Variants in KCNQ1OT1 observed in about 807,000 individuals in gnomAD.
The protein encoded by KCNQ1OT1 is KCNQ1 antisense RNA 2 (non-protein coding).
exon 1 of KCNQ1OT1, chr11:2,632,555 G>T (rs1425060311): frequency 2.5e-6 from 1 of 398,188 alleles, no homozygotes; most frequent in Non-Finnish European, 4.4e-6. Context: ...AATAATTGTA[G>T]ATATTTATGG....
At chr11:2,625,136 T>C in exon 1 of KCNQ1OT1, 1 of 398,642 alleles carries the variant, frequency 2.5e-6, no homozygotes, top group Non-Finnish European at 4.4e-6. Flanking sequence ...CTGTTTTTAA[T>C]TTTTGAAGGA....
At position 2,687,225 on chromosome 11, in the gene KCNQ1OT1, T is replaced by C. The variant is rs1850505986; in HGVS notation, n.12770A>G. ...CATCACACTGTTGGGAAATGTGCAA[T>C]TTTCACTCAGCCAGCATCACTACCA... On this transcript the variant is annotated non_coding_transcript_exon_variant, in exon 1 of 1. Transcript: ENST00000597346. The surrounding 1 kb of genome is among the most constrained non-coding windows in gnomAD (Gnocchi z 5.0). 1.0e-5 allele frequency: 4 copies of C among 398,458 alleles called. No homozygotes were observed. The East Asian group carries it at 1.1e-4, about 11-fold the overall frequency. The allele number at this position is 398,458 out of a possible 1,614,324, so 24.7% of individuals were successfully genotyped here.
exon 1 of KCNQ1OT1, chr11:2,692,505 C>G: frequency 2.5e-6 from 1 of 398,766 alleles, no homozygotes; most frequent in Non-Finnish European, 4.4e-6. Context: ...TTCTTTCCAT[C>G]CCAGGTGCTC....
In KCNQ1OT1 at chr11:2,614,733, A is replaced by G. The variant is rs749377813; in HGVS notation, n.85262T>C. 1.1e-4 allele frequency: 44 copies of G among 398,286 alleles called. No homozygotes were observed. Among genetic ancestry groups the G allele is most frequent in the South Asian group, 6.4e-4 (5 of 7,860 alleles). 24.7% of individuals were successfully genotyped at this position (398,286 alleles called of 1,614,324 possible). A position where few individuals can be genotyped will look rare whatever the true frequency, so the allele number is the denominator to read the frequency against. ...TCTCTATTATATTCCATTGGTCTATATGTCCATCCTTGTGTCCTAGAGACC... is the reference window on the plus strand; with the variant it reads ...TCTCTATTATATTCCATTGGTCTATGTGTCCATCCTTGTGTCCTAGAGACC... On this transcript the variant is annotated non_coding_transcript_exon_variant, in exon 1 of 1. Transcript: ENST00000597346.
rs925225890 is a variant in KCNQ1OT1 at position 2,674,152 on chromosome 11, G to A, written n.25843C>T. ...GGGCCACCCAGTGTGGGCTCAGGAA[G>A]GGAAGGAATGTGACCAAGGCTGGGT... On this transcript the variant is annotated non_coding_transcript_exon_variant, in exon 1 of 1. Coordinates refer to ENST00000597346, the Ensembl canonical transcript of KCNQ1OT1. The surrounding 1 kb of genome is among the most constrained non-coding windows in gnomAD (Gnocchi z 5.9). 1 of 398,612 alleles carries A rather than the reference G, an allele frequency of 2.5e-6. No homozygotes were observed. The highest frequency in any genetic ancestry group is 2.1e-5 in the African/African-American group (1 of 48,632). The allele number at this position is 398,612 out of a possible 1,614,324, so 24.7% of individuals were successfully genotyped here. A position where few individuals can be genotyped will look rare whatever the true frequency, so the allele number is the denominator to read the frequency against.
rs772132157 is a variant in KCNQ1OT1, at chr11:2,664,975, T to C, written n.35020A>G. ...ATAGCCTTGATTACGGGAAGGTCCC[T>C]GGGGCTGGGCGAAGCTCCTCTTTCC... On this transcript the variant is annotated non_coding_transcript_exon_variant, in exon 1 of 1. Transcript: ENST00000597346. The surrounding 1 kb of genome is among the most constrained non-coding windows in gnomAD (Gnocchi z 5.1). 5.0e-6 allele frequency: 2 copies of C among 398,468 alleles called. No homozygotes were observed. The highest frequency in any genetic ancestry group is 8.8e-6 in the Non-Finnish European group (2 of 226,068). 24.7% of individuals were successfully genotyped at this position (398,468 alleles called of 1,614,324 possible). A position where few individuals can be genotyped will look rare whatever the true frequency, so the allele number is the denominator to read the frequency against.
rs961164008 is a variant in KCNQ1OT1, at chr11:2,617,720, G to T, written n.82275C>A. ...CCCTAACCCTAGCCAACACTTAATA[G>T]CTATTCTCATGAGTGTGAGGTGATA... On this transcript the variant is annotated non_coding_transcript_exon_variant, in exon 1 of 1. Transcript: ENST00000597346. The surrounding 1 kb of genome is among the most constrained non-coding windows in gnomAD (Gnocchi z 4.6). 1.0e-5 allele frequency: 4 copies of T among 398,336 alleles called. No individual in the cohort carries two copies. The highest frequency in any genetic ancestry group is 8.2e-5 in the African/African-American group (4 of 48,610). 24.7% of individuals were successfully genotyped at this position (398,336 alleles called of 1,614,324 possible). A position where few individuals can be genotyped will look rare whatever the true frequency, so the allele number is the denominator to read the frequency against.
Position 2,661,902 on chromosome 11 carries a change from C to T in KCNQ1OT1, n.38093G>A, listed in dbSNP as rs1048163418. The T allele has an allele frequency of 7.4e-6, 12 of 1,612,054 alleles. No homozygotes were observed. Among genetic ancestry groups the T allele is most frequent in the African/African-American group, 2.7e-5 (2 of 74,792 alleles). ...CCCTGGGAGCTCACAGGCCTGGCTC[C>T]ACAGCACTGGCAGGTTGGGTGGGAG... On this transcript the variant is annotated non_coding_transcript_exon_variant, in exon 1 of 1. Transcript: ENST00000597346. The surrounding 1 kb of genome is among the most constrained non-coding windows in gnomAD (Gnocchi z 5.9).
exon 1 of KCNQ1OT1, chr11:2,655,672 T>TTGGGGGGGGGGGGGGGGGGCG: frequency 2.6e-6 from 1 of 389,748 alleles, no homozygotes; most frequent in Non-Finnish European, 4.5e-6. Context: ...AAGAGCTGAA[T>TTGGGGGGGGGGGGGGGGGGCG]CCCCACCCAC....
exon 1 of KCNQ1OT1, chr11:2,688,110 G>A (rs1850522925): frequency 2.5e-6 from 1 of 398,928 alleles, no homozygotes. Context: ...AGGGGACCTG[G>A]TGGGGGTGGG....
exon 1 of KCNQ1OT1, chr11:2,681,548 A>G (rs750555466): frequency 2.3e-5 from 9 of 398,278 alleles, no homozygotes; most frequent in Non-Finnish European, 3.5e-5. Flanking sequence ...GAAGGAACTT[A>G]CCCTTTTCTA....
Position 2,659,834 on chromosome 11 carries a change from T to C in KCNQ1OT1, n.40161A>G, listed in dbSNP as rs1849918644. 2.5e-6 allele frequency: 1 copy of C among 398,496 alleles called. No individual in the cohort carries two copies. The highest frequency in any genetic ancestry group is 3.6e-5 in the East Asian group (1 of 28,032). 24.7% of individuals were successfully genotyped at this position (398,496 alleles called of 1,614,324 possible). A position where few individuals can be genotyped will look rare whatever the true frequency, so the allele number is the denominator to read the frequency against. ...ATTCTAATTTGCATTTCCATATTTA[T>C]GTTAATTATGTATCTTTTCATGTGC... On this transcript the variant is annotated non_coding_transcript_exon_variant, in exon 1 of 1. Transcript: ENST00000597346. The surrounding 1 kb of genome is among the most constrained non-coding windows in gnomAD (Gnocchi z 4.3).
chr11:2,699,962 A>T, exon 1 of KCNQ1OT1: 1 of 398,288 alleles, frequency 2.5e-6, no homozygotes, highest in Non-Finnish European at 4.4e-6. Flanking sequence ...AGCTCCCTGG[A>T]GGTCCGTGCT....
chr11:2,609,544 G>T, exon 1 of KCNQ1OT1: 3 of 398,238 alleles, frequency 7.5e-6, no homozygotes, highest in Non-Finnish European at 1.3e-5. Flanking sequence ...AGTCTAGTTG[G>T]TTTATGGTGT....
chr11:2,669,564 C>G lies in KCNQ1OT1; in HGVS notation n.30431G>C. On this transcript the variant is annotated non_coding_transcript_exon_variant, in exon 1 of 1. Transcript: ENST00000597346. The surrounding 1 kb of genome is among the most constrained non-coding windows in gnomAD (Gnocchi z 5.6). The stretch of plus-strand genomic sequence containing the variant: ...ACAAGGTCTGTCAGGGAGCCCTGGC[C>G]AGCTTGGGTCATTTCATCCTGCCCA... 1 of 398,588 alleles carries G rather than the reference C, an allele frequency of 2.5e-6. No individual in the cohort carries two copies. Among genetic ancestry groups the G allele is most frequent in the Non-Finnish European group, 4.4e-6 (1 of 226,076 alleles). The allele number at this position is 398,588 out of a possible 1,614,324, so 24.7% of individuals were successfully genotyped here.
chr11:2,650,809 T>C (rs760389398), exon 1 of KCNQ1OT1: 2 of 398,544 alleles, frequency 5.0e-6, no homozygotes, highest in Non-Finnish European at 8.8e-6. Flanking sequence ...ATGGGTCATG[T>C]GGTTTTATTT....
At chr11:2,696,766 C>G in exon 1 of KCNQ1OT1, 1 of 398,516 alleles carries the variant, frequency 2.5e-6, no homozygotes, top group South Asian at 1.3e-4. Context: ...CCATAAAAGT[C>G]GTCGTCTTTG....
At chr11:2,618,467 T>G (rs1448447109) in exon 1 of KCNQ1OT1, 2 of 398,514 alleles carry the variant, frequency 5.0e-6, no homozygotes, top group Non-Finnish European at 8.8e-6. Flanking sequence ...ACTATCTTTC[T>G]GCATTGTTTT....
chr11:2,615,432 G>A (rs1191894175), exon 1 of KCNQ1OT1: 2 of 397,828 alleles, frequency 5.0e-6, no homozygotes, highest in African/African-American at 2.1e-5. Context: ...AAAACTTTCA[G>A]TACATTGTTC....
Sources: gnomAD v4.1 joint callset for allele counts on GRCh38, gnomAD v4.1.1 for gene constraint, Gnocchi (gnomAD v3.1) non-coding constraint, MANE v1.5 for transcripts, NCBI Gene and HGNC (gene_info 2026-07-23, HGNC 2026-07-21) for gene names.